ITPR2: variants seen among roughly 807,000 people sequenced by gnomAD.
ITPR2 encodes the protein inositol 1,4,5-trisphosphate-gated calcium channel ITPR2.
ITPR2 carries 207 observed loss-of-function variants against 317.1 expected under a neutral mutation model. That is an observed-to-expected ratio of 0.65 (90% CI 0.58 to 0.73). The LOEUF (loss-of-function observed/expected upper bound fraction) is 0.73. ITPR2 is among the 30% of genes least tolerant of loss of function. The probability of loss-of-function intolerance (pLI) is 0.00; values close to 1 mark genes in which losing one functional copy is unlikely to be tolerated. For synonymous variants in ITPR2, 1,156 were observed against 1,149.1 expected, an observed-to-expected ratio of 1.01 and a Z score of -0.12; for missense variants, 2,613 against 3,284.0, an observed-to-expected ratio of 0.80 and a Z score of 4.99.
intron 37 of ITPR2, among the ~76,000 whole-genome samples, chr12:26,531,693 C>T (rs1395489778): frequency 6.6e-6 from 1 of 151,266 alleles, no homozygotes; most frequent in African/African-American, 2.4e-5. Flanking sequence ...AAGTGTGTAT[C>T]TGAATGATTC....
intron 55 of ITPR2, among the ~76,000 whole-genome samples, chr12:26,385,568 T>C (rs1939641883): frequency 6.6e-6 from 1 of 152,206 alleles, no homozygotes; most frequent in South Asian, 2.1e-4. Context: ...CCCTCGTTGA[T>C]GAAATAACAT....
At chr12:26,583,932 C>T (rs967564114) in intron 32 of ITPR2, among the ~76,000 whole-genome samples, 1 of 151,962 alleles carries the variant, frequency 6.6e-6, no homozygotes, top group African/African-American at 2.4e-5. Context: ...CTTCTACTTC[C>T]AGATGAATTT....
At position 26,556,279 on chromosome 12, in the gene ITPR2, G is replaced by C; in HGVS notation, c.4918C>G (p.Pro1640Ala). 1 of 1,613,852 alleles carries C rather than the reference G, an allele frequency of 6.2e-7. No individual in the cohort carries two copies. The highest frequency in any genetic ancestry group is 1.3e-5 in the African/African-American group (1 of 75,012). ...DVLYSPELLFPEGSDARIRCG... is the reference protein window; with the variant it reads ...DVLYSPELLFAEGSDARIRCG... ...CTTATTCTTGCATCGCTTCCCTCAGGGAACAGCAGTTCTGGACTGTACAAT... is the reference window on the plus strand; with the variant it reads ...CTTATTCTTGCATCGCTTCCCTCAGCGAACAGCAGTTCTGGACTGTACAAT... Residue 1640 changes from proline (P) to alanine (A), a missense_variant, in exon 36 of 57, where the codon CCT becomes GCT. Coordinates refer to ENST00000381340, the MANE Select transcript of ITPR2 (RefSeq NM_002223.4).
rs1948681977 is a variant in ITPR2, at chr12:26,713,267, T to C, written c.856-1999A>G. Among the ~76,000 whole-genome samples, 3 of 152,324 alleles carry C rather than the reference T, an allele frequency of 2.0e-5. No homozygotes were observed. In the South Asian group the frequency reaches 6.2e-4, roughly 32 times the overall value. Reference sequence around the variant, plus strand: ...GCCCTTCCAATCATGTTGAACGTAATTTCCCTCTTCCTTGAAACACCTGAT... The same window carrying C: ...GCCCTTCCAATCATGTTGAACGTAACTTCCCTCTTCCTTGAAACACCTGAT... On this transcript the variant is annotated intron_variant, in intron 8 of 56. Coordinates refer to ENST00000381340, the MANE Select transcript of ITPR2 (RefSeq NM_002223.4).
At chr12:26,782,313 C>A (rs1324238486) in intron 2 of ITPR2, among the ~76,000 whole-genome samples, 1 of 151,234 alleles carries the variant, frequency 6.6e-6, no homozygotes, top group East Asian at 1.9e-4. Flanking sequence ...CAAACAGGAG[C>A]CTAACCATAA....
chr12:26,723,734 G>T (rs1483859202), intron 4 of ITPR2, among the ~76,000 whole-genome samples: 1 of 152,150 alleles, frequency 6.6e-6, no homozygotes, highest in East Asian at 1.9e-4. Flanking sequence ...TCTATGAAAT[G>T]CCTCATTGTA....
chr12:26,476,911 C>T lies in ITPR2; in HGVS notation c.6219+1G>A. 1 of 1,604,772 alleles carries T rather than the reference C, an allele frequency of 6.2e-7. No individual in the cohort carries two copies. The highest frequency in any genetic ancestry group is 8.5e-7 in the Non-Finnish European group (1 of 1,172,144). ...GACCAAGCTTTTAAAAGTTTTCTTA[C>T]CAGTTCTCTGGGTCTCATGTTAAAA... On this transcript the variant is annotated splice_donor_variant, in intron 44 of 56. Coordinates refer to ENST00000381340, the MANE Select transcript of ITPR2 (RefSeq NM_002223.4). LOFTEE classifies it high-confidence loss of function.
At chr12:26,529,271 G>C (rs1236276517) in intron 37 of ITPR2, among the ~76,000 whole-genome samples, 1 of 152,088 alleles carries the variant, frequency 6.6e-6, no homozygotes, top group Non-Finnish European at 1.5e-5. Flanking sequence ...CTCCTACAAA[G>C]GGCCTACATG....
intron 34 of ITPR2, among the ~76,000 whole-genome samples, chr12:26,573,719 G>A (rs567159451): frequency 6.6e-6 from 1 of 152,320 alleles, no homozygotes; most frequent in Admixed American, 6.5e-5. Context: ...AATGTCCTCA[G>A]GTGAGGAAAT....
intron 1 of ITPR2, among the ~76,000 whole-genome samples, chr12:26,816,700 AG>A (rs1950860581): frequency 6.6e-6 from 1 of 152,200 alleles, no homozygotes; most frequent in Admixed American, 6.5e-5. Flanking sequence ...AGTTTTGTGA[AG>A]GAAAAGAATA....
intron 37 of ITPR2, among the ~76,000 whole-genome samples, chr12:26,522,027 G>T (rs1264602241): frequency 6.6e-6 from 1 of 152,076 alleles, no homozygotes; most frequent in Non-Finnish European, 1.5e-5. Flanking sequence ...AAATACTACA[G>T]CGTCAGACAC....
Position 26,693,859 on chromosome 12 carries a change from A to G in ITPR2, c.996+1747T>C, listed in dbSNP as rs1948284989. Among the ~76,000 whole-genome samples the G allele has an allele frequency of 2.0e-5, 3 of 152,326 alleles. No homozygotes were observed. The South Asian group carries it at 6.2e-4, about 32-fold the overall frequency. On this transcript the variant is annotated intron_variant, in intron 10 of 56. Transcript: ENST00000381340. ...TTTACTAGAAACAACTTACAAATTC[A>G]AAGAGTTTCCATCTGTCTGATCTTA...
intron 54 of ITPR2, among the ~76,000 whole-genome samples, chr12:26,397,690 T>C (rs1006446538): frequency 6.6e-6 from 1 of 152,232 alleles, no homozygotes. Context: ...TGGAGAGACA[T>C]TGAGGTGAAC....
chr12:26,633,858 CT>C (rs1946805101), intron 21 of ITPR2, among the ~76,000 whole-genome samples: 1 of 152,218 alleles, frequency 6.6e-6, no homozygotes, highest in Non-Finnish European at 1.5e-5. Context: ...ATTCTTACCC[CT>C]GATTCACACA....
chr12:26,444,991 G>C (rs1191503203), intron 45 of ITPR2, among the ~76,000 whole-genome samples: 1 of 152,054 alleles, frequency 6.6e-6, no homozygotes, highest in African/African-American at 2.4e-5. Context: ...CATGAAACTT[G>C]TTGTGACTTA....
At chr12:26,642,110 C>T (rs1029554812) in intron 21 of ITPR2, among the ~76,000 whole-genome samples, 2 of 152,162 alleles carry the variant, frequency 1.3e-5, no homozygotes, top group East Asian at 3.8e-4. Flanking sequence ...AAAAGGCTTG[C>T]TGCCTAGAGC....
chr12:26,436,452 C>A, intron 47 of ITPR2, 106 bp from the exon 48 acceptor site: 1 of 976,402 alleles, frequency 1.0e-6, no homozygotes, highest in Non-Finnish European at 1.5e-6. Flanking sequence ...TTTTTGTAAA[C>A]TATTATAAAA....
chr12:26,555,461 C>T (rs745354519), intron 36 of ITPR2, among the ~76,000 whole-genome samples: 5 of 152,190 alleles, frequency 3.3e-5, no homozygotes, highest in African/African-American at 4.8e-5. Context: ...TGACGACCTG[C>T]GGATCCCCCT....
chr12:26,516,287 GA>G lies in ITPR2; in HGVS notation c.5074-21028del, dbSNP rs1320121405. Among the ~76,000 whole-genome samples, 113 of 64,298 alleles carry G rather than the reference GA, an allele frequency of 1.8e-3. 7 individuals carry two copies. Among genetic ancestry groups the G allele is most frequent in the South Asian group, 5.0e-3 (7 of 1,410 alleles). The allele number at this position is 64,298 out of a possible 152,430, so 42.2% of individuals were successfully genotyped here. A position where few individuals can be genotyped will look rare whatever the true frequency, so the allele number is the denominator to read the frequency against. On this transcript the variant is annotated intron_variant, in intron 37 of 56. Coordinates refer to ENST00000381340, the MANE Select transcript of ITPR2 (RefSeq NM_002223.4). ...GAAAGGAAAGGAAGGGAAGGGAAGG[GA>G]AAGGAAAGGAAAGGAAAGGAAAGGA...
Sources: allele counts gnomAD v4.1 joint callset (sites outside exome capture counted in the v4.1 genomes callset), GRCh38; gene constraint gnomAD v4.1.1; transcripts MANE v1.5; gene names NCBI Gene and HGNC (gene_info 2026-07-23, HGNC 2026-07-21).